Variants in CDH18 observed in about 807,000 individuals in gnomAD.
The protein encoded by CDH18 is cadherin-18.
CDH18 carries 31 observed loss-of-function variants against 67.9 expected under a neutral mutation model. The observed-to-expected ratio is 0.46, with a 90% CI of 0.34 to 0.62. The LOEUF (loss-of-function observed/expected upper bound fraction) is 0.62. Ranked by LOEUF, CDH18 falls within the 20% of genes least tolerant of loss-of-function variation. The pLI is 0.01. For synonymous variants in CDH18, 362 were observed against 347.2 expected, an observed-to-expected ratio of 1.04 and a Z score of -0.48; for missense variants, 890 against 975.5, an observed-to-expected ratio of 0.91 and a Z score of 1.17.
chr5:20,243,916 C>T (rs1307340050), intron 2 of CDH18, among the ~76,000 whole-genome samples: 1 of 152,068 alleles, frequency 6.6e-6, no homozygotes, highest in Non-Finnish European at 1.5e-5. Flanking sequence ...AAAAAGTACA[C>T]TATTTACACA....
chr5:19,993,779 A>G (rs1800117517), intron 2 of CDH18, among the ~76,000 whole-genome samples: 1 of 152,088 alleles, frequency 6.6e-6, no homozygotes, highest in Non-Finnish European at 1.5e-5. Flanking sequence ...CTCTCTATCT[A>G]TCCTCTTAGT....
intron 2 of CDH18, among the ~76,000 whole-genome samples, chr5:20,235,615 T>TA (rs1371958925): frequency 6.6e-6 from 1 of 151,856 alleles, no homozygotes; most frequent in Non-Finnish European, 1.5e-5. Context: ...GATTAAACAA[T>TA]AAAAAAGGAA....
intron 2 of CDH18, among the ~76,000 whole-genome samples, chr5:20,105,769 T>A (rs983861696): frequency 3.9e-5 from 6 of 152,242 alleles, no homozygotes; most frequent in African/African-American, 1.4e-4. Context: ...AAAGGCTGAA[T>A]GACATTCCAT....
At chr5:19,913,383 C>T (rs913679882) in intron 2 of CDH18, among the ~76,000 whole-genome samples, 3 of 151,952 alleles carry the variant, frequency 2.0e-5, no homozygotes, top group Non-Finnish European at 2.9e-5. Flanking sequence ...AACAGGAAAG[C>T]GAAGAAGATA....
At chr5:20,168,078 C>A (rs1736428643) in intron 2 of CDH18, among the ~76,000 whole-genome samples, 1 of 152,120 alleles carries the variant, frequency 6.6e-6, no homozygotes, top group Non-Finnish European at 1.5e-5. Flanking sequence ...AACCATTTCA[C>A]ATTTATTTTT....
At chr5:20,177,308 A>T (rs1393296310) in intron 2 of CDH18, among the ~76,000 whole-genome samples, 1 of 152,140 alleles carries the variant, frequency 6.6e-6, no homozygotes, top group East Asian at 1.9e-4. Context: ...CCATCTGCTA[A>T]GATCTAAGCC....
intron 2 of CDH18, among the ~76,000 whole-genome samples, chr5:20,071,315 A>C (rs1743461711): frequency 6.6e-6 from 1 of 152,076 alleles, no homozygotes; most frequent in Non-Finnish European, 1.5e-5. Context: ...ATCCTTCTTT[A>C]GGGTGTTTGA....
intron 1 of CDH18, among the ~76,000 whole-genome samples, chr5:20,316,314 G>A (rs1479573974): frequency 6.6e-6 from 1 of 151,904 alleles, no homozygotes; most frequent in African/African-American, 2.4e-5. Context: ...GAAAAATGAT[G>A]TTGAGAAACA....
At position 20,261,592 on chromosome 5, in the gene CDH18, T is replaced by A. The variant is rs535211273; in HGVS notation, c.-579-6087A>T. On this transcript the variant is annotated intron_variant, in intron 1 of 14. Coordinates refer to the CDH18 transcript ENST00000507958. ...CATCTCTACTAAAAATACAAAAAAA[T>A]TAGCCAGGCGTGGTGGCGGGTGCCT... 5.9e-5 allele frequency among the ~76,000 whole-genome samples: 9 copies of A among 152,004 alleles called. No homozygotes were observed. In the South Asian group the frequency reaches 8.3e-4, roughly 14 times the overall value.
chr5:19,526,157 A>G (rs1021736183), intron 9 of CDH18, among the ~76,000 whole-genome samples: 1 of 152,196 alleles, frequency 6.6e-6, no homozygotes, highest in African/African-American at 2.4e-5. Flanking sequence ...TTGAGAAACA[A>G]TTAACGGTAA....
At chr5:20,356,876 A>G (rs1021269411) in intron 1 of CDH18, among the ~76,000 whole-genome samples, 1 of 149,904 alleles carries the variant, frequency 6.7e-6, no homozygotes, top group African/African-American at 2.4e-5. Context: ...TATACTATAT[A>G]TATACTCTAT....
chr5:20,256,136 A>G lies in CDH18; in HGVS notation c.-579-631T>C, dbSNP rs541339731. The stretch of plus-strand genomic sequence containing the variant: ...AAAATTTGAATATAATCCCTAATGT[A>G]TACATTACGTGCATTATACCAAATA... On this transcript the variant is annotated intron_variant, in intron 1 of 14. Coordinates refer to the CDH18 transcript ENST00000507958. 8.9e-4 allele frequency among the ~76,000 whole-genome samples: 135 copies of G among 152,160 alleles called. 2 individuals are homozygous for G. Among genetic ancestry groups the G allele is most frequent in the Middle Eastern group, 6.8e-3 (2 of 292 alleles).
At chr5:20,401,341 C>T (rs1223303551) in intron 1 of CDH18, among the ~76,000 whole-genome samples, 5 of 152,110 alleles carry the variant, frequency 3.3e-5, no homozygotes, top group East Asian at 1.9e-4. Context: ...TTATAAGATA[C>T]GTGTATTAAT....
chr5:20,548,439 TTG>T lies in CDH18; in HGVS notation c.-580+27021_-580+27022del, dbSNP rs70954668. On this transcript the variant is annotated intron_variant, in intron 1 of 14. Transcript: ENST00000507958. ...GATTGTCAGGTAATAGAGAACATGT[TTG>T]TGTGTGTGTGTGTGTGTGTGTGTGT... Among the ~76,000 whole-genome samples, 195 of 146,688 alleles carry T rather than the reference TTG, an allele frequency of 1.3e-3. 1 individual carries two copies. Among genetic ancestry groups the T allele is most frequent in the East Asian group, 1.8e-3 (9 of 4,888 alleles).
intron 2 of CDH18, among the ~76,000 whole-genome samples, chr5:20,122,097 G>T (rs574430748): frequency 1.3e-5 from 2 of 152,088 alleles, no homozygotes; most frequent in Non-Finnish European, 1.5e-5. Flanking sequence ...AAGTGAAAAG[G>T]GTAATATAAT....
chr5:20,101,570 C>T (rs951855968), intron 2 of CDH18, among the ~76,000 whole-genome samples: 2 of 152,158 alleles, frequency 1.3e-5, no homozygotes, highest in African/African-American at 4.8e-5. Flanking sequence ...AAAGGAGTAA[C>T]ATCATCAACT....
At chr5:19,508,026 T>C (rs1336679261) in intron 10 of CDH18, among the ~76,000 whole-genome samples, 1 of 151,748 alleles carries the variant, frequency 6.6e-6, no homozygotes. Context: ...ATAATGTATG[T>C]AAGCTTCAAT....
At chr5:19,962,738 C>T (rs776677602) in intron 2 of CDH18, among the ~76,000 whole-genome samples, 7 of 151,766 alleles carry the variant, frequency 4.6e-5, no homozygotes, top group African/African-American at 9.7e-5. Context: ...ATTGCACCAC[C>T]GCACTGCAGC....
intron 1 of CDH18, among the ~76,000 whole-genome samples, chr5:20,475,072 C>T (rs1245939677): frequency 6.6e-6 from 1 of 152,126 alleles, no homozygotes; most frequent in African/African-American, 2.4e-5. Flanking sequence ...AGTATCATTT[C>T]ATCTTGTTAT....
Sources: allele counts gnomAD v4.1 joint callset (sites outside exome capture counted in the v4.1 genomes callset), GRCh38; gene constraint gnomAD v4.1.1; transcripts MANE v1.5; gene names NCBI Gene and HGNC (gene_info 2026-07-23, HGNC 2026-07-21).